CLSTN2: variants seen among roughly 807,000 people sequenced by gnomAD.
CLSTN2 encodes the protein calsyntenin-2.
Under a neutral mutation model 101.2 loss-of-function variants are expected in CLSTN2, and 48 were observed. That is an observed-to-expected ratio of 0.47 (90% CI 0.38 to 0.60). CLSTN2 has a LOEUF of 0.60. CLSTN2 is among the 20% of genes least tolerant of loss of function. CLSTN2 has a pLI of 0.00. For missense variants in CLSTN2, 1,160 were observed against 1,238.2 expected (o/e 0.94, Z 0.95); for synonymous variants, 481 against 463.6 (o/e 1.04, Z -0.48).
chr3:140,280,840 G>A (rs2086838890), intron 2 of CLSTN2, among the ~76,000 whole-genome samples: 1 of 152,132 alleles, frequency 6.6e-6, no homozygotes, highest in South Asian at 2.1e-4. Context: ...GGGTCAGCCT[G>A]GGACTTTGTA....
chr3:139,957,965 G>GAT (rs1254801325), intron 1 of CLSTN2, among the ~76,000 whole-genome samples: 1 of 152,142 alleles, frequency 6.6e-6, no homozygotes, highest in Non-Finnish European at 1.5e-5. Flanking sequence ...TTGTTTTTCT[G>GAT]ATTCTCTTTT....
intron 8 of CLSTN2, among the ~76,000 whole-genome samples, chr3:140,511,607 T>C (rs1211115135): frequency 7.1e-6 from 1 of 140,780 alleles, no homozygotes; most frequent in Non-Finnish European, 1.5e-5. Context: ...TGGAGTGCAG[T>C]GGTGCAATCT....
intron 1 of CLSTN2, among the ~76,000 whole-genome samples, chr3:140,027,196 G>A (rs2007439610): frequency 6.6e-6 from 1 of 152,222 alleles, no homozygotes; most frequent in Non-Finnish European, 1.5e-5. Context: ...ACTGCAGTGG[G>A]TTGGATTGAG....
intron 2 of CLSTN2, among the ~76,000 whole-genome samples, chr3:140,354,330 G>A (rs964337893): frequency 2.6e-5 from 4 of 152,132 alleles, no homozygotes; most frequent in African/African-American, 7.2e-5. Flanking sequence ...GTAAGATTCC[G>A]TACATATAAT....
At chr3:140,434,383 C>T (rs1287125039) in intron 5 of CLSTN2, among the ~76,000 whole-genome samples, 2 of 152,210 alleles carry the variant, frequency 1.3e-5, no homozygotes, top group African/African-American at 4.8e-5. Context: ...TTCCACTCAA[C>T]TCAAGACACT....
At chr3:140,538,270 A>G (rs953397382) in intron 9 of CLSTN2, among the ~76,000 whole-genome samples, 2 of 152,078 alleles carry the variant, frequency 1.3e-5, no homozygotes, top group African/African-American at 4.8e-5. Flanking sequence ...ACCTCCCTCT[A>G]GTCTTAGATA....
chr3:140,553,692 A>G (rs1935749289), intron 10 of CLSTN2, among the ~76,000 whole-genome samples: 1 of 152,138 alleles, frequency 6.6e-6, no homozygotes, highest in African/African-American at 2.4e-5. Context: ...GTGGAGGAAA[A>G]AAAGAGGCTC....
intron 4 of CLSTN2, among the ~76,000 whole-genome samples, chr3:140,417,889 T>C (rs954665575): frequency 1.3e-5 from 2 of 152,248 alleles, no homozygotes; most frequent in African/African-American, 4.8e-5. Flanking sequence ...GAAACTCATT[T>C]TCACATGCAC....
intron 2 of CLSTN2, among the ~76,000 whole-genome samples, chr3:140,269,694 G>A (rs941473424): frequency 2.6e-5 from 4 of 152,170 alleles, no homozygotes; most frequent in Non-Finnish European, 5.9e-5. Flanking sequence ...TTATTTATAG[G>A]AAGTTATAGG....
intron 1 of CLSTN2, among the ~76,000 whole-genome samples, chr3:140,033,559 A>G (rs1193641913): frequency 6.6e-6 from 1 of 152,210 alleles, no homozygotes; most frequent in East Asian, 1.9e-4. Flanking sequence ...GAACACAAAC[A>G]CCACTATCAC....
rs1402589513 is a variant in CLSTN2, at chr3:140,570,659, G to C, written c.*4406G>C. On this transcript the variant is annotated 3_prime_UTR_variant, in exon 17 of 17. Coordinates refer to ENST00000458420, the MANE Select transcript of CLSTN2 (RefSeq NM_022131.3). ...CAATTTAAAAACACTAAAAAAGCAG[G>C]CAGTTTGGATTTATGTAATTTTCAT... 1 of 152,080 alleles carries C rather than the reference G, an allele frequency of 6.6e-6. No individual in the cohort carries two copies. The highest frequency in any genetic ancestry group is 1.5e-5 in the Non-Finnish European group (1 of 68,034). The allele number at this position is 152,080 out of a possible 1,614,324, so 9.4% of individuals were successfully genotyped here.
At chr3:140,193,213 A>G (rs1176175928) in intron 2 of CLSTN2, among the ~76,000 whole-genome samples, 1 of 124,790 alleles carries the variant, frequency 8.0e-6, no homozygotes, top group Admixed American at 7.6e-5. Context: ...ATTTTTGCTT[A>G]TCTTGTTCTT....
chr3:140,008,221 C>T (rs1401104048), intron 1 of CLSTN2, among the ~76,000 whole-genome samples: 1 of 152,216 alleles, frequency 6.6e-6, no homozygotes, highest in Non-Finnish European at 1.5e-5. Context: ...CCATGAGTGT[C>T]CTGTGCTTCC....
At chr3:140,452,051 G>A (rs1273313537) in intron 6 of CLSTN2, among the ~76,000 whole-genome samples, 1 of 152,136 alleles carries the variant, frequency 6.6e-6, no homozygotes, top group Non-Finnish European at 1.5e-5. Flanking sequence ...AGTAAGAAAG[G>A]ATTCTAAGAA....
chr3:140,476,308 C>A (rs1486267592), intron 8 of CLSTN2, among the ~76,000 whole-genome samples: 1 of 152,176 alleles, frequency 6.6e-6, no homozygotes, highest in Non-Finnish European at 1.5e-5. Flanking sequence ...GAACTTGGAA[C>A]CAGCATTTTT....
intron 1 of CLSTN2, among the ~76,000 whole-genome samples, chr3:140,035,794 C>T (rs1307147065): frequency 1.3e-5 from 2 of 152,226 alleles, no homozygotes; most frequent in Admixed American, 6.5e-5. Context: ...CCTGCAAGAC[C>T]TGCCCTCTGC....
intron 2 of CLSTN2, among the ~76,000 whole-genome samples, chr3:140,398,214 A>G (rs1386260605): frequency 1.3e-5 from 2 of 152,172 alleles, no homozygotes; most frequent in Admixed American, 6.6e-5. Context: ...CTAGACACAA[A>G]CCAGCATACT....
chr3:140,127,614 A>G (rs912312841), intron 1 of CLSTN2, among the ~76,000 whole-genome samples: 1 of 152,170 alleles, frequency 6.6e-6, no homozygotes. Flanking sequence ...GTCAGGAATC[A>G]CAGCTCTTGG....
chr3:140,438,950 A>T (rs2088715635), intron 5 of CLSTN2, among the ~76,000 whole-genome samples: 1 of 152,170 alleles, frequency 6.6e-6, no homozygotes. Flanking sequence ...CAGGCTTCTG[A>T]ACACCACATA....
Sources: gnomAD v4.1 joint callset for allele counts (sites outside exome capture counted in the v4.1 genomes callset) on GRCh38, gnomAD v4.1.1 for gene constraint, MANE v1.5 for transcripts, NCBI Gene and HGNC (gene_info 2026-07-23, HGNC 2026-07-21) for gene names.